The following KIF1A variants were observed in gnomAD, a reference collection of about 807,000 sequenced individuals.
KIF1A encodes the protein kinesin-like protein KIF1A.
Under a neutral mutation model 227.3 loss-of-function variants are expected in KIF1A, and 46 were observed. The ratio of observed to expected loss-of-function variants is 0.20; its 90% confidence interval spans 0.16 to 0.26. KIF1A has a LOEUF of 0.26. Among genes scored for constraint, KIF1A ranks in the 10% least tolerant of loss-of-function variants. The pLI is 1.00. For missense variants in KIF1A, 1,683 were observed against 2,485.9 expected (o/e 0.68, Z 6.87); for synonymous variants, 1,022 against 1,012.8 (o/e 1.01, Z -0.17).
rs548126746 is a variant in KIF1A, at chr2:240,716,563, T to G, written c.*801A>C. On this transcript the variant is annotated 3_prime_UTR_variant, in exon 49 of 49. Coordinates refer to ENST00000498729, the MANE Select transcript of KIF1A (RefSeq NM_001244008.2). Reference sequence around the variant, plus strand: ...GCCTCATCTCAGAGCCAGAGCCGAGTGTCACCCCTCACCCTTTCCTGGGGA... The same window carrying G: ...GCCTCATCTCAGAGCCAGAGCCGAGGGTCACCCCTCACCCTTTCCTGGGGA... The G allele has an allele frequency of 2.6e-4, 39 of 152,254 alleles. No individual in the cohort carries two copies. The highest frequency in any genetic ancestry group is 9.2e-4 in the African/African-American group (38 of 41,486). 9.4% of individuals were successfully genotyped at this position (152,254 alleles called of 1,614,324 possible). A position where few individuals can be genotyped will look rare whatever the true frequency, so the allele number is the denominator to read the frequency against.
intron 10 of KIF1A, 112 bp from the exon 11 acceptor site, chr2:240,776,038 G>A: frequency 3.9e-6 from 3 of 770,186 alleles, no homozygotes; most frequent in East Asian, 5.3e-5. Context: ...GGCTGGGCAA[G>A]GGGCGGGGCC....
chr2:240,720,106 G>A (rs2045125678), intron 45 of KIF1A, 180 bp from the exon 46 acceptor site: 3 of 520,676 alleles, frequency 5.8e-6, no homozygotes, highest in Non-Finnish European at 9.4e-6. Flanking sequence ...AGCCAAGCTT[G>A]TGCCCGATTC....
intron 10 of KIF1A, among the ~76,000 whole-genome samples, chr2:240,779,591 T>A (rs540183561): frequency 1.4e-5 from 2 of 144,578 alleles, no homozygotes. Flanking sequence ...CTCACTCAGT[T>A]CCACACTCAG....
chr2:240,757,363 C>T lies in KIF1A; in HGVS notation c.2814G>A (p.Arg938=). The T allele has an allele frequency of 6.4e-7, 1 of 1,550,670 alleles. No homozygotes were observed. Among genetic ancestry groups the T allele is most frequent in the Non-Finnish European group, 8.7e-7 (1 of 1,147,052 alleles). ...GGGGGGGCCGGTCGTAAAACGGGTCCCGGCCGTCGCACAGCGCGTGCTCCG... is the reference window on the plus strand; with the variant it reads ...GGGGGGGCCGGTCGTAAAACGGGTCTCGGCCGTCGCACAGCGCGTGCTCCG... ...VFPEHALCDG[R]DPFYDRPPLF... is the part of the protein sequence containing the mutation. Residue 938 remains arginine (R), a synonymous_variant, in exon 27 of 49, where the codon CGG becomes CGA. Transcript: ENST00000498729. This position sits in a 1 kb window ranked among gnomAD's most constrained non-coding sequence, Gnocchi z 6.2.
intron 45 of KIF1A, chr2:240,720,679 GGTC>G (rs1441509614): frequency 1.3e-5 from 5 of 376,726 alleles, no homozygotes; most frequent in African/African-American, 6.2e-5. Context: ...ACCCATTTCT[GGTC>G]TTCTTCAGGG....
At chr2:240,746,256 C>A in intron 29 of KIF1A, 79 bp from the exon 30 acceptor site, 1 of 1,505,716 alleles carries the variant, frequency 6.6e-7, no homozygotes, top group Non-Finnish European at 8.9e-7. Flanking sequence ...CACAGGCCCA[C>A]GGGAGGGCTG....
intron 27 of KIF1A, among the ~76,000 whole-genome samples, chr2:240,756,503 G>A (rs78042634): frequency 3.3e-5 from 5 of 152,174 alleles, no homozygotes; most frequent in Admixed American, 2.0e-4. Context: ...TCTCCCAACC[G>A]TGGCTTCTCA....
chr2:240,720,107 T>C, intron 45 of KIF1A, 181 bp from the exon 46 acceptor site: 1 of 506,586 alleles, frequency 2.0e-6, no homozygotes, highest in Non-Finnish European at 3.2e-6. Flanking sequence ...GCCAAGCTTG[T>C]GCCCGATTCC....
chr2:240,786,576 G>A, intron 5 of KIF1A, 63 bp from the exon 6 acceptor site: 3 of 1,504,864 alleles, frequency 2.0e-6, no homozygotes, highest in African/African-American at 2.8e-5. Context: ...GCCACTGGGG[G>A]GACCCCTGAG....
intron 28 of KIF1A, 88 bp downstream of exon 28, chr2:240,750,341 C>T (rs1407481730): frequency 7.7e-6 from 7 of 908,898 alleles, no homozygotes; most frequent in Admixed American, 2.1e-5. Context: ...TGCCAGAAGG[C>T]CCTTCTTGGG....
chr2:240,739,933 C>A lies in KIF1A; in HGVS notation c.3901+125G>T, dbSNP rs959602298. 16 of 707,856 alleles carry A rather than the reference C, an allele frequency of 2.3e-5. No individual in the cohort carries two copies. The highest frequency in any genetic ancestry group is 3.9e-5 in the Non-Finnish European group (16 of 407,004). The allele number at this position is 707,856 out of a possible 1,614,324, so 43.8% of individuals were successfully genotyped here. On this transcript the variant is annotated intron_variant, in intron 37 of 48. Coordinates refer to ENST00000498729, the MANE Select transcript of KIF1A (RefSeq NM_001244008.2). This position sits in a 1 kb window ranked among gnomAD's most constrained non-coding sequence, Gnocchi z 5.6. The stretch of plus-strand genomic sequence containing the variant: ...AGTGAGTCACAGAGAGATTATGTGA[C>A]CCGGCCAGGGTCACGCAGCAACAGA...
At chr2:240,719,460 G>A (rs2044999552) in intron 46 of KIF1A, among the ~76,000 whole-genome samples, 1 of 152,230 alleles carries the variant, frequency 6.6e-6, no homozygotes, top group South Asian at 2.1e-4. Flanking sequence ...GCTGAAGGCT[G>A]TCACACTGTA....
intron 45 of KIF1A, 159 bp downstream of exon 45, chr2:240,720,755 G>T: frequency 1.2e-6 from 1 of 801,528 alleles, no homozygotes; most frequent in Non-Finnish European, 1.9e-6. Flanking sequence ...AGAGGGCTGC[G>T]GACTCCACTC....
In KIF1A at chr2:240,789,705, T is replaced by C. The variant is rs1380805741; in HGVS notation, c.107-393A>G. Among the ~76,000 whole-genome samples, 1 of 152,180 alleles carries C rather than the reference T, an allele frequency of 6.6e-6. No individual in the cohort carries two copies. The highest frequency in any genetic ancestry group is 2.4e-5 in the African/African-American group (1 of 41,446). On this transcript the variant is annotated intron_variant, in intron 2 of 48. Transcript: ENST00000498729. The surrounding 1 kb of genome is among the most constrained non-coding windows in gnomAD (Gnocchi z 4.8). ...CTGCCCCGCCCCCTGCTCAGGCCTTTATGCTCCGGCTCAGCGTGCACGTGC... is the reference window on the plus strand; with the variant it reads ...CTGCCCCGCCCCCTGCTCAGGCCTTCATGCTCCGGCTCAGCGTGCACGTGC...
chr2:240,799,622 G>A (rs1176352600), intron 1 of KIF1A, among the ~76,000 whole-genome samples: 1 of 152,186 alleles, frequency 6.6e-6, no homozygotes, highest in Admixed American at 6.5e-5. Flanking sequence ...GTGTTTCCTT[G>A]TGTTGAAAAT....
At chr2:240,727,030 C>T in intron 38 of KIF1A, 90 bp from the exon 39 acceptor site, 1 of 750,952 alleles carries the variant, frequency 1.3e-6, no homozygotes, top group Non-Finnish European at 2.2e-6. Context: ...GAGCGACAGA[C>T]AAGGGGCAGC....
In KIF1A at chr2:240,752,433, G is replaced by A. The variant is rs1301258288; in HGVS notation, c.2859-1886C>T. Among the ~76,000 whole-genome samples, 2 of 152,092 alleles carry A rather than the reference G, an allele frequency of 1.3e-5. No individual in the cohort carries two copies. Among genetic ancestry groups the A allele is most frequent in the Admixed American group, 6.5e-5 (1 of 15,272 alleles). ...GACTCACCAGCATCCCCTTGGGAGG[G>A]GGACGGCAATGCCTTCCCTCCCCAG... On this transcript the variant is annotated intron_variant, in intron 27 of 48. Transcript: ENST00000498729. The surrounding 1 kb of genome is among the most constrained non-coding windows in gnomAD (Gnocchi z 6.4).
chr2:240,781,726 C>T (rs543541817), intron 10 of KIF1A: 9 of 982,246 alleles, frequency 9.2e-6, no homozygotes, highest in African/African-American at 3.5e-5. Flanking sequence ...CCACACGCTT[C>T]CTCTCCCGTT....
Position 240,797,782 on chromosome 2 carries a change from A to G in KIF1A, c.-30T>C. Reference sequence around the variant, plus strand: ...GTGGCCTTCGTGGGTCACTCCTCGCAGTAGTGGGAGCCCCAGTGTGGGGGG... The same window carrying G: ...GTGGCCTTCGTGGGTCACTCCTCGCGGTAGTGGGAGCCCCAGTGTGGGGGG... On this transcript the variant is annotated 5_prime_UTR_variant, in exon 2 of 49. Transcript: ENST00000498729. 1 of 1,425,260 alleles carries G rather than the reference A, an allele frequency of 7.0e-7. No individual in the cohort carries two copies. Among genetic ancestry groups the G allele is most frequent in the South Asian group, 1.2e-5 (1 of 84,702 alleles). 88.3% of individuals were successfully genotyped at this position (1,425,260 alleles called of 1,614,324 possible). A position where few individuals can be genotyped will look rare whatever the true frequency, so the allele number is the denominator to read the frequency against.
Sources: gnomAD v4.1 joint callset for allele counts (sites outside exome capture counted in the v4.1 genomes callset) on GRCh38, gnomAD v4.1.1 for gene constraint, Gnocchi (gnomAD v3.1) non-coding constraint, MANE v1.5 for transcripts, NCBI Gene and HGNC (gene_info 2026-07-23, HGNC 2026-07-21) for gene names.